The following FGL1 variants were observed in gnomAD, a reference collection of about 807,000 sequenced individuals.
The protein encoded by FGL1 is fibrinogen like 1.
Under a neutral mutation model 43.7 loss-of-function variants are expected in FGL1, and 59 were observed. That is an observed-to-expected ratio of 1.35 (90% CI 1.10 to 1.68). The LOEUF (loss-of-function observed/expected upper bound fraction) is 1.68, where lower values mean the gene tolerates loss of function less well. Among genes scored for constraint, FGL1 ranks in the 40% most tolerant of loss-of-function variants. The pLI is 0.00. For synonymous variants in FGL1, 192 were observed against 126.5 expected (o/e 1.52, Z -3.48); for missense variants, 596 against 373.0 (o/e 1.60, Z -4.92).
intron 5 of FGL1, among the ~76,000 whole-genome samples, chr8:17,871,635 C>T (rs1466445081): frequency 6.6e-6 from 1 of 152,054 alleles, no homozygotes; most frequent in Admixed American, 6.6e-5. Context: ...GCCACTACTT[C>T]TAGTTGAGAT....
chr8:17,871,367 G>A (rs1422471462), intron 5 of FGL1, among the ~76,000 whole-genome samples: 1 of 151,702 alleles, frequency 6.6e-6, no homozygotes, highest in East Asian at 1.9e-4. Flanking sequence ...GGTGGTGTGC[G>A]CCTATAATCC....
rs34896893 is a variant in FGL1 at position 17,881,027 on chromosome 8, T to C, written c.244+972A>G. 6.4e-3 allele frequency among the ~76,000 whole-genome samples: 968 copies of C among 152,234 alleles called. 12 individuals carry two copies. Among genetic ancestry groups the C allele is most frequent in the African/African-American group, 0.022 (911 of 41,542 alleles). ...TTTTTTACCTTATTTGCCACCCTAA[T>C]GCACATTAGGATTTCAGAAGGGAAA... On this transcript the variant is annotated intron_variant, in intron 3 of 7. Transcript: ENST00000427924.
At chr8:17,887,551 A>G (rs541268681) in intron 1 of FGL1, among the ~76,000 whole-genome samples, 1 of 152,296 alleles carries the variant, frequency 6.6e-6, no homozygotes, top group South Asian at 2.1e-4. Context: ...AACACTGTGA[A>G]CAAAATAACC....
chr8:17,892,162 A>T (rs1042299754), intron 1 of FGL1, among the ~76,000 whole-genome samples: 2 of 152,178 alleles, frequency 1.3e-5, no homozygotes, highest in Non-Finnish European at 2.9e-5. Flanking sequence ...TTTAAAATTT[A>T]TCACAAAACT....
intron 1 of FGL1, chr8:17,891,356 T>C (rs1470726504): frequency 2.0e-5 from 3 of 152,196 alleles, no homozygotes; most frequent in Non-Finnish European, 2.9e-5. Context: ...CATTTGGTGG[T>C]TGCCAGCAAT....
intron 5 of FGL1, among the ~76,000 whole-genome samples, chr8:17,872,554 C>A (rs2053380470): frequency 6.6e-6 from 1 of 152,150 alleles, no homozygotes; most frequent in Non-Finnish European, 1.5e-5. Flanking sequence ...CCACCCACCT[C>A]AGCATCCCAA....
At chr8:17,881,426 C>A (rs973327704) in intron 3 of FGL1, among the ~76,000 whole-genome samples, 3 of 151,712 alleles carry the variant, frequency 2.0e-5, no homozygotes, top group Non-Finnish European at 4.4e-5. Flanking sequence ...TGAGCCACCG[C>A]ACTTGGCTGT....
intron 7 of FGL1, 129 bp downstream of exon 7, chr8:17,868,419 G>A (rs951628373): frequency 3.0e-6 from 2 of 676,732 alleles, no homozygotes; most frequent in Middle Eastern, 4.1e-4. Context: ...ATTCTAATGA[G>A]AATGATTACT....
Position 17,869,021 on chromosome 8 carries a change from C to T in FGL1, c.503-17G>A. On this transcript the variant is annotated splice_polypyrimidine_tract_variant and intron_variant, in intron 5 of 7. Coordinates refer to ENST00000427924, the MANE Select transcript of FGL1 (RefSeq NM_004467.4). ...TGTAGTCTTCTAAAAAAGAAACAAG[C>T]AATTATAATTTTTAAAAATGTGTGA... The T allele has an allele frequency of 1.3e-6, 2 of 1,522,788 alleles. No homozygotes were observed. Among genetic ancestry groups the T allele is most frequent in the Non-Finnish European group, 1.8e-6 (2 of 1,115,472 alleles). 94.3% of individuals were successfully genotyped at this position (1,522,788 alleles called of 1,614,324 possible). A position where few individuals can be genotyped will look rare whatever the true frequency, so the allele number is the denominator to read the frequency against.
chr8:17,866,493 G>T (rs1188649835), intron 7 of FGL1, among the ~76,000 whole-genome samples: 2 of 152,192 alleles, frequency 1.3e-5, no homozygotes, highest in Non-Finnish European at 2.9e-5. Context: ...CATGGTAGAA[G>T]TAGCACCAAG....
intron 2 of FGL1, among the ~76,000 whole-genome samples, chr8:17,883,749 A>G (rs1236846211): frequency 6.8e-6 from 1 of 147,712 alleles, no homozygotes; most frequent in Non-Finnish European, 1.5e-5. Flanking sequence ...GGTCCAAGTC[A>G]TGGAACCTCT....
intron 3 of FGL1, among the ~76,000 whole-genome samples, chr8:17,875,295 T>A (rs1444692441): frequency 1.3e-5 from 2 of 152,176 alleles, no homozygotes; most frequent in Non-Finnish European, 2.9e-5. Flanking sequence ...AATCTTATAA[T>A]CTCTTAGCCT....
chr8:17,874,481 T>C lies in FGL1; in HGVS notation c.285A>G (p.Gly95=), dbSNP rs150575793. ...EIFNDGYKLS[G]FYKIKPLQSP... ...TCTGGAGAGGTTTGATTTTGTAAAA[T>C]CCACTGAGCTTATACCCATCATTGA... The change falls in exon 4 of 8, where the codon GGA becomes GGG. Residue 95 remains glycine, a synonymous_variant. Coordinates refer to ENST00000427924, the MANE Select transcript of FGL1 (RefSeq NM_004467.4). 750 of 1,613,974 alleles carry C rather than the reference T, an allele frequency of 4.6e-4. 2 individuals are homozygous for C. The African/African-American group carries it at 8.4e-3, about 18-fold the overall frequency.
chr8:17,878,303 G>A (rs1408657646), intron 3 of FGL1, among the ~76,000 whole-genome samples: 2 of 152,120 alleles, frequency 1.3e-5, no homozygotes, highest in East Asian at 3.8e-4. Flanking sequence ...CAAATACACA[G>A]CATTCTTATT....
intron 5 of FGL1, among the ~76,000 whole-genome samples, chr8:17,870,651 A>C (rs755648710): frequency 6.6e-6 from 1 of 152,152 alleles, no homozygotes; most frequent in Non-Finnish European, 1.5e-5. Context: ...CCCAGGCTGC[A>C]TATCCAAGTT....
At chr8:17,886,834 A>G (rs911965233) in intron 1 of FGL1, among the ~76,000 whole-genome samples, 1 of 151,988 alleles carries the variant, frequency 6.6e-6, no homozygotes, top group Non-Finnish European at 1.5e-5. Context: ...GGAATTGGCA[A>G]AGCAGCAGTA....
chr8:17,881,965 G>C, intron 3 of FGL1, 34 bp downstream of exon 3: 1 of 1,593,082 alleles, frequency 6.3e-7, no homozygotes, highest in Non-Finnish European at 8.6e-7. Flanking sequence ...CATAATGTAA[G>C]TTATAGAAAC....
At chr8:17,875,114 C>G (rs997994188) in intron 3 of FGL1, among the ~76,000 whole-genome samples, 5 of 152,156 alleles carry the variant, frequency 3.3e-5, no homozygotes, top group Non-Finnish European at 7.4e-5. Context: ...GTTATCCTGA[C>G]TTAGAGCATG....
Position 17,868,958 on chromosome 8 carries a change from G to A in FGL1, c.549C>T (p.Ser183=). The change falls in exon 6 of 8, where the codon AGC becomes AGT. Residue 183 remains serine (S), a synonymous_variant. Transcript: ENST00000427924. ...KIDLADFEKN[S]RYAQYKNFKV... is the part of the protein sequence containing the mutation. ...TGAAATTCTTATATTGTGCATAACGGCTATTTTTTTCAAAATCTGCAAGGT... is the reference window on the plus strand; with the variant it reads ...TGAAATTCTTATATTGTGCATAACGACTATTTTTTTCAAAATCTGCAAGGT... 1 of 1,604,358 alleles carries A rather than the reference G, an allele frequency of 6.2e-7. No homozygotes were observed. Among genetic ancestry groups the A allele is most frequent in the South Asian group, 1.1e-5 (1 of 88,352 alleles).
Sources: allele counts gnomAD v4.1 joint callset (sites outside exome capture counted in the v4.1 genomes callset), GRCh38; gene constraint gnomAD v4.1.1; transcripts MANE v1.5; gene names NCBI Gene and HGNC (gene_info 2026-07-23, HGNC 2026-07-21).